Variants in ADAMTS19 observed in about 807,000 individuals in gnomAD.
The protein encoded by ADAMTS19 is A disintegrin and metalloproteinase with thrombospondin motifs 19.
A neutral mutation model predicts 153.3 loss-of-function variants in ADAMTS19; 93 were observed. The observed-to-expected ratio is 0.61, with a 90% CI of 0.51 to 0.72. ADAMTS19 has a LOEUF of 0.72. Among genes scored for constraint, ADAMTS19 ranks in the 30% least tolerant of loss-of-function variants. The probability of loss-of-function intolerance (pLI) is 0.00; values close to 1 mark genes in which losing one functional copy is unlikely to be tolerated. For synonymous variants in ADAMTS19, 600 were observed against 556.6 expected (o/e 1.08, Z -1.10); for missense variants, 1,482 against 1,552.1 (o/e 0.95, Z 0.76).
chr5:129,564,040 C>T (rs574090727), intron 7 of ADAMTS19, among the ~76,000 whole-genome samples: 15 of 152,188 alleles, frequency 9.9e-5, no homozygotes, highest in African/African-American at 3.6e-4. Context: ...CTGCCTCAGC[C>T]TCCCCCTTAG....
chr5:129,472,020 G>A (rs184974967), intron 2 of ADAMTS19, among the ~76,000 whole-genome samples: 3 of 152,314 alleles, frequency 2.0e-5, no homozygotes, highest in Admixed American at 1.3e-4. Context: ...ACTCACACAC[G>A]TGTGTGTCTT....
At chr5:129,580,741 AT>A (rs1174150631) in intron 7 of ADAMTS19, among the ~76,000 whole-genome samples, 1 of 152,046 alleles carries the variant, frequency 6.6e-6, no homozygotes, top group East Asian at 1.9e-4. Context: ...ACATTTACTG[AT>A]TTGTGTATGT....
intron 15 of ADAMTS19, among the ~76,000 whole-genome samples, chr5:129,659,699 G>C (rs1252808700): frequency 6.6e-6 from 1 of 152,024 alleles, no homozygotes; most frequent in Non-Finnish European, 1.5e-5. Flanking sequence ...CCCCAACTCA[G>C]TCTCCCAAGT....
chr5:129,612,102 T>C (rs1174010011), intron 8 of ADAMTS19, among the ~76,000 whole-genome samples: 1 of 150,830 alleles, frequency 6.6e-6, no homozygotes, highest in African/African-American at 2.4e-5. Flanking sequence ...TAGGTATATG[T>C]CCTAATGCTA....
chr5:129,671,623 A>G (rs1422292703), intron 16 of ADAMTS19, among the ~76,000 whole-genome samples: 2 of 152,200 alleles, frequency 1.3e-5, no homozygotes, highest in Admixed American at 6.5e-5. Flanking sequence ...TTTTATAGAG[A>G]TAATTAATCC....
At chr5:129,498,440 T>TA (rs1750994616) in intron 2 of ADAMTS19, among the ~76,000 whole-genome samples, 1 of 152,100 alleles carries the variant, frequency 6.6e-6, no homozygotes, top group Non-Finnish European at 1.5e-5. Flanking sequence ...GAAAGCTTTA[T>TA]AAAAGCAATC....
intron 3 of ADAMTS19, among the ~76,000 whole-genome samples, chr5:129,519,539 G>T (rs1471005211): frequency 6.6e-6 from 1 of 151,928 alleles, no homozygotes; most frequent in Non-Finnish European, 1.5e-5. Flanking sequence ...TTGCCTAAGA[G>T]TTGCAGTCCT....
At chr5:129,478,344 A>T (rs994872108) in intron 2 of ADAMTS19, among the ~76,000 whole-genome samples, 1 of 152,206 alleles carries the variant, frequency 6.6e-6, no homozygotes, top group Non-Finnish European at 1.5e-5. Flanking sequence ...TTATCTTTTA[A>T]TAATAATGTG....
At chr5:129,600,799 C>T (rs1255226191) in intron 8 of ADAMTS19, among the ~76,000 whole-genome samples, 1 of 151,926 alleles carries the variant, frequency 6.6e-6, no homozygotes, top group African/African-American at 2.4e-5. Flanking sequence ...ATTATTTAAG[C>T]CAACATTTTA....
Position 129,461,444 on chromosome 5 carries a change from C to G in ADAMTS19, c.434C>G (p.Ser145Trp), listed in dbSNP as rs544229468. The G allele has an allele frequency of 8.0e-5, 115 of 1,435,492 alleles. 1 individual carries two copies. The South Asian group carries it at 1.6e-3, about 20-fold the overall frequency. The allele number at this position is 1,435,492 out of a possible 1,614,324, so 88.9% of individuals were successfully genotyped here. Reference sequence around the variant, plus strand: ...GCCTTGTCCCCGGGCGCCCCGGCCTCGTGGCAGCCGCCGCCTCCCCCGCAG... The same window carrying G: ...GCCTTGTCCCCGGGCGCCCCGGCCTGGTGGCAGCCGCCGCCTCCCCCGCAG... ...AAALSPGAPASWQPPPPPQPP... is the reference protein window; with the variant it reads ...AAALSPGAPAWWQPPPPPQPP... Residue 145 changes from serine to tryptophan, a missense_variant, in exon 2 of 23, where the codon TCG (serine) becomes TGG (tryptophan). By Grantham distance (177) the Ser-to-Trp change is radical. Coordinates refer to ENST00000274487, the MANE Select transcript of ADAMTS19 (RefSeq NM_133638.6). The surrounding 1 kb of genome is among the most constrained non-coding windows in gnomAD (Gnocchi z 4.6).
At chr5:129,624,682 C>A (rs767932673) in intron 10 of ADAMTS19, among the ~76,000 whole-genome samples, 4 of 152,218 alleles carry the variant, frequency 2.6e-5, no homozygotes, top group Admixed American at 6.5e-5. Flanking sequence ...ATTGTAGATT[C>A]TTTTCCATAA....
intron 7 of ADAMTS19, among the ~76,000 whole-genome samples, chr5:129,563,995 C>T (rs1270978474): frequency 6.6e-6 from 1 of 152,010 alleles, no homozygotes; most frequent in African/African-American, 2.4e-5. Flanking sequence ...TCTCGGCTCA[C>T]TGGAACCTCC....
intron 7 of ADAMTS19, among the ~76,000 whole-genome samples, chr5:129,586,165 T>A (rs1385811341): frequency 6.6e-6 from 1 of 152,218 alleles, no homozygotes; most frequent in Non-Finnish European, 1.5e-5. Flanking sequence ...TTGGTGACCT[T>A]ACATTCACAC....
chr5:129,670,711 CCT>C (rs1342372989), intron 16 of ADAMTS19, among the ~76,000 whole-genome samples: 1 of 152,048 alleles, frequency 6.6e-6, no homozygotes. Context: ...TCTTTTTCCC[CCT>C]TTTAAACCAG....
chr5:129,624,284 G>T (rs553621676), intron 10 of ADAMTS19, among the ~76,000 whole-genome samples: 26 of 152,168 alleles, frequency 1.7e-4, no homozygotes, highest in South Asian at 1.5e-3. Flanking sequence ...TTATGACATT[G>T]GTTCTGTAAG....
intron 21 of ADAMTS19, among the ~76,000 whole-genome samples, chr5:129,725,738 CT>C (rs1449991248): frequency 6.6e-6 from 1 of 151,958 alleles, no homozygotes; most frequent in African/African-American, 2.4e-5. Context: ...TCATGTCTGC[CT>C]GACTATCTAG....
chr5:129,611,738 G>A (rs1200445514), intron 8 of ADAMTS19, among the ~76,000 whole-genome samples: 4 of 151,936 alleles, frequency 2.6e-5, no homozygotes, highest in Admixed American at 2.6e-4. Context: ...CTCCAGCTGT[G>A]TTTCTTTTGG....
intron 14 of ADAMTS19, among the ~76,000 whole-genome samples, chr5:129,658,391 T>G (rs558598701): frequency 1.4e-5 from 2 of 144,320 alleles, no homozygotes; most frequent in African/African-American, 2.6e-5. Context: ...GGAAGGAAGG[T>G]AGGTAGGTTA....
At chr5:129,684,088 C>A in intron 17 of ADAMTS19, 32 bp from the exon 18 acceptor site, 1 of 1,581,644 alleles carries the variant, frequency 6.3e-7, no homozygotes, top group South Asian at 1.2e-5. Context: ...CTAGTTTGAC[C>A]CATCTGCCTT....
Sources: gnomAD v4.1 joint callset for allele counts (sites outside exome capture counted in the v4.1 genomes callset) on GRCh38, gnomAD v4.1.1 for gene constraint, Gnocchi (gnomAD v3.1) non-coding constraint, MANE v1.5 for transcripts, NCBI Gene and HGNC (gene_info 2026-07-23, HGNC 2026-07-21) for gene names.